The following COL5A2 variants were observed in gnomAD, a reference collection of about 807,000 sequenced individuals.
The protein encoded by COL5A2 is collagen alpha-2(V) chain.
COL5A2 carries 23 observed loss-of-function variants against 208.2 expected under a neutral mutation model. The ratio of observed to expected loss-of-function variants is 0.11; its 90% CI spans 0.08 to 0.16. COL5A2 has a LOEUF of 0.16. COL5A2 is among the 10% of genes least tolerant of loss of function. COL5A2 has a pLI of 1.00. For synonymous variants in COL5A2, 625 were observed against 628.5 expected (o/e 0.99, Z 0.08); for missense variants, 1,590 against 1,956.4 (o/e 0.81, Z 3.53).
chr2:189,053,017 C>A lies in COL5A2; in HGVS notation c.2555G>T (p.Gly852Val). The A allele has an allele frequency of 1.2e-6, 2 of 1,612,646 alleles. No homozygotes were observed. Among genetic ancestry groups the A allele is most frequent in the Non-Finnish European group, 1.7e-6 (2 of 1,178,928 alleles). The change falls in exon 39 of 54, where the codon GGT becomes GTT. Residue 852 changes from glycine to valine, a missense_variant and splice_region_variant. Gly to Val is a moderately radical substitution (Grantham distance 109). Transcript: ENST00000374866. ...TTTTACTCCAGGCTGTCCGTCAGGA[C>A]CCTATAAAAAATTATACAAACAAGC... is the stretch of plus-strand genomic sequence containing the variant. ...TGAVGFAGPQ[G>V]PDGQPGVKGE...
the COL5A2 span, among the ~76,000 whole-genome samples, chr2:189,309,456 T>G: frequency 2.0e-5 from 3 of 152,232 alleles, no homozygotes; most frequent in East Asian, 5.8e-4. Flanking sequence ...ACCTCCCAAG[T>G]GCTGGCAGGC....
chr2:189,199,779 A>C (rs753274432), intron 1 of COL5A2, among the ~76,000 whole-genome samples: 2 of 152,244 alleles, frequency 1.3e-5, no homozygotes, highest in Non-Finnish European at 2.9e-5. Context: ...GATAAAATAC[A>C]ATAAATGCCC....
chr2:189,276,065 C>A, the COL5A2 span, among the ~76,000 whole-genome samples: 111 of 152,294 alleles, frequency 7.3e-4, no homozygotes, highest in African/African-American at 2.6e-3. Context: ...TCAAAATTAG[C>A]TGAATATCAG....
chr2:189,177,672 G>T (rs954297708), intron 1 of COL5A2, among the ~76,000 whole-genome samples: 3 of 152,122 alleles, frequency 2.0e-5, no homozygotes, highest in Admixed American at 2.0e-4. Context: ...CTGTTCGCGG[G>T]GGGTACTGGG....
At chr2:189,094,588 G>GACACACACACACAC (rs1175370532) in intron 6 of COL5A2, among the ~76,000 whole-genome samples, 521 of 11,686 alleles carry the variant, frequency 0.045, 163 homozygotes, top group Admixed American at 0.075. Context: ...CTTTCTCTCT[G>GACACACACACACAC]ACACACACAC....
chr2:189,078,206 T>C (rs1253315032), intron 16 of COL5A2, among the ~76,000 whole-genome samples: 6 of 152,174 alleles, frequency 3.9e-5, no homozygotes, highest in Admixed American at 3.3e-4. Flanking sequence ...TATCCAAGTT[T>C]GTGTTTTTCT....
At chr2:189,302,127 G>C in the COL5A2 span, among the ~76,000 whole-genome samples, 3 of 151,854 alleles carry the variant, frequency 2.0e-5, 1 homozygote, top group Non-Finnish European at 4.4e-5. Flanking sequence ...TCTAATTTTT[G>C]TCACTAGTTG....
Position 189,079,971 on chromosome 2 carries a change from AG to A in COL5A2, c.960+6del, listed in dbSNP as rs1448395910. 6.2e-7 allele frequency: 1 copy of A among 1,610,648 alleles called. No homozygotes were observed. Among genetic ancestry groups the A allele is most frequent in the African/African-American group, 1.3e-5 (1 of 74,958 alleles). On this transcript the variant is annotated splice_donor_region_variant and intron_variant, in intron 14 of 53. Coordinates refer to ENST00000374866, the MANE Select transcript of COL5A2 (RefSeq NM_000393.5). ...GTGAGGTTACAGTGAGATAATTATA[AG>A]ATTACCTTGGAACCAGGTGCTCCAA...
At chr2:189,175,913 G>T (rs1688670017) in intron 1 of COL5A2, among the ~76,000 whole-genome samples, 1 of 152,090 alleles carries the variant, frequency 6.6e-6, no homozygotes, top group South Asian at 2.1e-4. Flanking sequence ...CACTATAAAA[G>T]TCTGAATGTC....
chr2:189,188,890 A>AT (rs1379132530), intron 1 of COL5A2, among the ~76,000 whole-genome samples: 2 of 152,198 alleles, frequency 1.3e-5, no homozygotes, highest in Admixed American at 6.5e-5. Context: ...AAAGTGATAT[A>AT]TTTTTTTCAT....
chr2:189,146,069 T>C (rs986624846), intron 1 of COL5A2, among the ~76,000 whole-genome samples: 3 of 152,150 alleles, frequency 2.0e-5, no homozygotes, highest in Non-Finnish European at 4.4e-5. Flanking sequence ...AGAATGATGA[T>C]ATCTTCATAC....
At chr2:189,355,967 G>A in the COL5A2 span, among the ~76,000 whole-genome samples, 1 of 152,156 alleles carries the variant, frequency 6.6e-6, no homozygotes, top group African/African-American at 2.4e-5. Flanking sequence ...TGTAAGGCAG[G>A]CCTGGTGGTG....
At chr2:189,216,440 G>A (rs1271946433) in intron 1 of COL5A2, among the ~76,000 whole-genome samples, 1 of 151,758 alleles carries the variant, frequency 6.6e-6, no homozygotes, top group Non-Finnish European at 1.5e-5. Flanking sequence ...GCTAGGTGAT[G>A]CGAATTCAAA....
chr2:189,060,227 G>A (rs1478514001), intron 31 of COL5A2, among the ~76,000 whole-genome samples: 20 of 151,986 alleles, frequency 1.3e-4, no homozygotes, highest in Non-Finnish European at 2.9e-5. Flanking sequence ...TGCTATTATT[G>A]TAATTGTCCT....
chr2:189,368,269 T>G, the COL5A2 span, among the ~76,000 whole-genome samples: 1 of 152,204 alleles, frequency 6.6e-6, no homozygotes, highest in African/African-American at 2.4e-5. Flanking sequence ...AAATTCATAG[T>G]GTTTCATTCA....
chr2:189,385,787 A>G, the COL5A2 span, among the ~76,000 whole-genome samples: 2 of 152,196 alleles, frequency 1.3e-5, no homozygotes, highest in Non-Finnish European at 2.9e-5. Context: ...CACAGAGACC[A>G]ATGGAACAGA....
At chr2:189,057,209 A>C (rs1685917335) in intron 34 of COL5A2, 111 bp downstream of exon 34, 3 of 1,014,240 alleles carry the variant, frequency 3.0e-6, no homozygotes, top group Middle Eastern at 4.5e-4. Context: ...AAAATGAATG[A>C]CTAGTGACTC....
chr2:189,113,796 C>A (rs926602010), intron 1 of COL5A2, among the ~76,000 whole-genome samples: 1 of 150,874 alleles, frequency 6.6e-6, no homozygotes, highest in Non-Finnish European at 1.5e-5. Context: ...TATTTGGAAG[C>A]AGAGAATATG....
intron 1 of COL5A2, among the ~76,000 whole-genome samples, chr2:189,194,810 G>A (rs947756620): frequency 6.6e-6 from 1 of 152,110 alleles, no homozygotes; most frequent in African/African-American, 2.4e-5. Flanking sequence ...AACATGAAGG[G>A]ATGTTGAATT....
Sources: gnomAD v4.1 joint callset for allele counts (sites outside exome capture counted in the v4.1 genomes callset) on GRCh38, gnomAD v4.1.1 for gene constraint, MANE v1.5 for transcripts, NCBI Gene and HGNC (gene_info 2026-07-23, HGNC 2026-07-21) for gene names.